Variants in GALNT13 observed in about 807,000 individuals in gnomAD.
The protein encoded by GALNT13 is polypeptide N-acetylgalactosaminyltransferase 13.
Under a neutral mutation model 64.2 loss-of-function variants are expected in GALNT13, and 28 were observed. The observed-to-expected ratio is 0.44, with a 90% CI of 0.32 to 0.60. The LOEUF (loss-of-function observed/expected upper bound fraction) is 0.60, where lower values mean the gene tolerates loss of function less well. GALNT13 is among the 20% of genes least tolerant of loss of function. The pLI is 0.05. For missense variants in GALNT13, 577 were observed against 669.8 expected, an observed-to-expected ratio of 0.86 and a Z score of 1.53; for synonymous variants, 214 against 224.6, an observed-to-expected ratio of 0.95 and a Z score of 0.42.
At chr2:154,018,975 G>T (rs1283389231) in intron 3 of GALNT13, among the ~76,000 whole-genome samples, 2 of 152,046 alleles carry the variant, frequency 1.3e-5, no homozygotes, top group Non-Finnish European at 2.9e-5. Flanking sequence ...TAGGGAGGAA[G>T]AAAGATAAAC....
intron 3 of GALNT13, among the ~76,000 whole-genome samples, chr2:154,074,828 A>T (rs1238403189): frequency 6.6e-6 from 1 of 151,822 alleles, no homozygotes; most frequent in African/African-American, 2.4e-5. Flanking sequence ...AGATGCAGAA[A>T]AGTCCTTTGA....
the GALNT13 span, among the ~76,000 whole-genome samples, chr2:153,221,575 G>C: frequency 3.9e-5 from 6 of 152,172 alleles, no homozygotes; most frequent in Non-Finnish European, 8.8e-5. Context: ...GCCTTTGCCG[G>C]AGTTTTGCTC....
the GALNT13 span, among the ~76,000 whole-genome samples, chr2:153,318,772 C>T: frequency 6.6e-6 from 1 of 152,152 alleles, no homozygotes; most frequent in East Asian, 1.9e-4. Context: ...CACAGAATTA[C>T]TAAGATGTAC....
chr2:153,729,075 AC>A, the GALNT13 span, among the ~76,000 whole-genome samples: 10 of 152,150 alleles, frequency 6.6e-5, no homozygotes, highest in Non-Finnish European at 1.2e-4. Context: ...AAGAGCTGGT[AC>A]CATTCCTTCT....
At chr2:153,977,858 C>G (rs1005493405) in intron 3 of GALNT13, among the ~76,000 whole-genome samples, 1 of 152,060 alleles carries the variant, frequency 6.6e-6, no homozygotes, top group African/African-American at 2.4e-5. Flanking sequence ...AACTTCTTCT[C>G]AAGACTATAC....
the GALNT13 span, among the ~76,000 whole-genome samples, chr2:153,302,686 G>C: frequency 6.6e-6 from 1 of 152,086 alleles, no homozygotes. Context: ...TACAACTTCA[G>C]GTCTTACAGT....
the GALNT13 span, among the ~76,000 whole-genome samples, chr2:153,285,111 G>T: frequency 1.3e-5 from 2 of 151,722 alleles, no homozygotes; most frequent in African/African-American, 4.8e-5. Flanking sequence ...TTATAATTAC[G>T]GCAGAGGCAT....
At chr2:153,286,639 G>A in the GALNT13 span, among the ~76,000 whole-genome samples, 2 of 152,282 alleles carry the variant, frequency 1.3e-5, no homozygotes, top group African/African-American at 4.8e-5. Flanking sequence ...ACCAGTGCAT[G>A]CACTTCAGAA....
the GALNT13 span, among the ~76,000 whole-genome samples, chr2:153,632,310 A>G: frequency 6.6e-6 from 1 of 152,164 alleles, no homozygotes; most frequent in Non-Finnish European, 1.5e-5. Context: ...CCCATTACTA[A>G]CATCTCACAT....
At chr2:153,384,241 A>T in the GALNT13 span, among the ~76,000 whole-genome samples, 3 of 152,006 alleles carry the variant, frequency 2.0e-5, no homozygotes, top group African/African-American at 7.2e-5. Flanking sequence ...CAGGTGGGTG[A>T]TTAATTACCA....
At chr2:154,372,328 GGAA>G (rs1367959690) in intron 9 of GALNT13, among the ~76,000 whole-genome samples, 1 of 107,382 alleles carries the variant, frequency 9.3e-6, no homozygotes, top group Non-Finnish European at 2.2e-5. Flanking sequence ...CTCAGCATAT[GGAA>G]GAATCCTCTA....
chr2:153,395,030 G>T, the GALNT13 span, among the ~76,000 whole-genome samples: 2 of 152,132 alleles, frequency 1.3e-5, no homozygotes, highest in African/African-American at 4.8e-5. Context: ...GTTGTTTGCT[G>T]GCTGTCAGCT....
At chr2:154,345,528 A>C (rs1266269387) in intron 9 of GALNT13, among the ~76,000 whole-genome samples, 1 of 152,096 alleles carries the variant, frequency 6.6e-6, no homozygotes, top group Non-Finnish European at 1.5e-5. Context: ...TAAAGAACTG[A>C]GTTTTAAATT....
chr2:153,299,774 GT>G, the GALNT13 span, among the ~76,000 whole-genome samples: 461 of 152,296 alleles, frequency 3.0e-3, no homozygotes, highest in African/African-American at 0.011. Context: ...ACAGTTGCTC[GT>G]TGGCATTGAA....
At chr2:154,354,727 C>G (rs958776453) in intron 9 of GALNT13, among the ~76,000 whole-genome samples, 7 of 151,952 alleles carry the variant, frequency 4.6e-5, no homozygotes, top group African/African-American at 1.7e-4. Context: ...ATTAGCTGAT[C>G]ATAAATGTTT....
At chr2:154,250,096 A>G (rs1210411922) in intron 7 of GALNT13, among the ~76,000 whole-genome samples, 4 of 152,094 alleles carry the variant, frequency 2.6e-5, no homozygotes, top group African/African-American at 9.7e-5. Context: ...CTCAACTATA[A>G]AATGGAAAAT....
chr2:153,659,183 T>C, the GALNT13 span, among the ~76,000 whole-genome samples: 16,145 of 152,164 alleles, frequency 0.11, 926 homozygotes, highest in Non-Finnish European at 0.12. Context: ...GATGAATTAC[T>C]GTATCATTTA....
At chr2:153,984,243 G>T (rs1271336195) in intron 3 of GALNT13, among the ~76,000 whole-genome samples, 1 of 151,592 alleles carries the variant, frequency 6.6e-6, no homozygotes, top group Non-Finnish European at 1.5e-5. Flanking sequence ...TGGGTTTATT[G>T]CAGGCTTAAA....
intron 9 of GALNT13, among the ~76,000 whole-genome samples, chr2:154,338,925 T>C (rs1695605330): frequency 6.6e-6 from 1 of 152,038 alleles, no homozygotes; most frequent in Admixed American, 6.6e-5. Context: ...TATCAGAACA[T>C]AGAAAATAGA....
Sources: allele counts gnomAD v4.1 joint callset (sites outside exome capture counted in the v4.1 genomes callset), GRCh38; gene constraint gnomAD v4.1.1; transcripts MANE v1.5; gene names NCBI Gene and HGNC (gene_info 2026-07-23, HGNC 2026-07-21).